Variants in BZW1 observed in about 807,000 individuals in gnomAD.
BZW1 encodes the protein eIF5-mimic protein 2.
Under a neutral mutation model 54.1 loss-of-function variants are expected in BZW1, and 3 were observed. That is an observed-to-expected ratio of 0.06 (90% CI 0.03 to 0.14). The LOEUF (loss-of-function observed/expected upper bound fraction) is 0.14. Ranked by LOEUF, BZW1 falls within the 10% of genes least tolerant of loss-of-function variation. BZW1 has a pLI of 1.00. For missense variants in BZW1, 206 were observed against 491.7 expected, an observed-to-expected ratio of 0.42 and a Z score of 5.50; for synonymous variants, 152 against 162.7, an observed-to-expected ratio of 0.93 and a Z score of 0.50.
At chr2:200,815,203 C>T (rs1032335507) in intron 2 of BZW1, 138 bp from the exon 3 acceptor site, 2 of 912,042 alleles carry the variant, frequency 2.2e-6, no homozygotes, top group Admixed American at 3.1e-5. Flanking sequence ...TCTTGTCTTA[C>T]ACTTGCAGAG....
At position 200,823,599 on chromosome 2, in the gene BZW1, ATT is replaced by A. The variant is rs931791578; in HGVS notation, c.*1424_*1425del. On this transcript the variant is annotated 3_prime_UTR_variant, in exon 12 of 12. Coordinates refer to ENST00000409600, the MANE Select transcript of BZW1 (RefSeq NM_001207067.2). ...CCAAAAGTTTGTCATTTAAAAGTTC[ATT>A]TTGAGGGAATAACATGTAATATAAT... The A allele has an allele frequency of 2.0e-5, 3 of 152,604 alleles. No individual in the cohort carries two copies. The highest frequency in any genetic ancestry group is 2.0e-4 in the Admixed American group (3 of 15,280). The allele number at this position is 152,604 out of a possible 1,614,324, so 9.5% of individuals were successfully genotyped here. A position where few individuals can be genotyped will look rare whatever the true frequency, so the allele number is the denominator to read the frequency against.
chr2:200,824,913 C>T lies in BZW1; in HGVS notation c.*2735C>T. On this transcript the variant is annotated 3_prime_UTR_variant, in exon 12 of 12. Coordinates refer to ENST00000409600, the MANE Select transcript of BZW1 (RefSeq NM_001207067.2). ...GGTCTCAATCTCCTGACCTTGTGAT[C>T]CACCCGCCTCAGCCTCCCAAAGTGC... 6.6e-6 allele frequency: 1 copy of T among 152,116 alleles called. No homozygotes were observed. The highest frequency in any genetic ancestry group is 1.5e-5 in the Non-Finnish European group (1 of 68,046). 9.4% of individuals were successfully genotyped at this position (152,116 alleles called of 1,614,324 possible). A position where few individuals can be genotyped will look rare whatever the true frequency, so the allele number is the denominator to read the frequency against.
chr2:200,812,490 C>T (rs544253385), intron 1 of BZW1: 16,792 of 1,349,334 alleles, frequency 0.012, 128 homozygotes, highest in Non-Finnish European at 0.014. Context: ...CCGCAGGCGA[C>T]AGGGTCAGTG....
At chr2:200,818,473 C>A in intron 8 of BZW1, 80 bp downstream of exon 8, 1 of 1,465,114 alleles carries the variant, frequency 6.8e-7, no homozygotes, top group Non-Finnish European at 9.3e-7. Context: ...ACTTACTTCA[C>A]CAGGATGAGA....
At chr2:200,811,895 C>T (rs541832394), upstream of BZW1, 2 of 209,472 alleles carry the variant, frequency 9.5e-6, no homozygotes, top group South Asian at 1.9e-4. Context: ...GGCACCTCTC[C>T]CTCCTCCTGG....
intron 1 of BZW1, 135 bp downstream of exon 1, chr2:200,812,125 C>T (rs1221552930): frequency 4.5e-6 from 4 of 890,566 alleles, no homozygotes; most frequent in Non-Finnish European, 5.9e-6. Context: ...TGAGGCCGGG[C>T]CGGATCTAGG....
At chr2:200,821,155 C>G (rs1370306159) in intron 10 of BZW1, 28 bp from the exon 11 acceptor site, 1 of 1,610,156 alleles carries the variant, frequency 6.2e-7, no homozygotes, top group African/African-American at 1.3e-5. Context: ...TATTAAAACT[C>G]CCTTAATGCA....
At chr2:200,816,992 T>C in intron 5 of BZW1, 114 bp from the exon 6 acceptor site, 1 of 1,249,454 alleles carries the variant, frequency 8.0e-7, no homozygotes. Context: ...TAAACTTGGA[T>C]GGTTAGATCC....
At chr2:200,820,239 G>A (rs1280060615) in intron 10 of BZW1, 119 bp downstream of exon 10, 6 of 924,948 alleles carry the variant, frequency 6.5e-6, no homozygotes, top group Admixed American at 3.2e-5. Context: ...TTCTAGTTAT[G>A]AGTCACCTCT....
At chr2:200,813,486 T>C (rs73991112) in intron 2 of BZW1, 9,381 of 500,070 alleles carry the variant, frequency 0.019, 723 homozygotes, top group African/African-American at 0.16. Context: ...AGTATCAATA[T>C]ATCTCTAAGC....
intron 6 of BZW1, among the ~76,000 whole-genome samples, chr2:200,817,704 A>G (rs1225342565): frequency 6.6e-6 from 1 of 152,024 alleles, no homozygotes; most frequent in African/African-American, 2.4e-5. Context: ...TGTAATTCTC[A>G]CAACAGTCTT....
At chr2:200,813,484 T>C (rs1280366524) in intron 2 of BZW1, 1 of 503,796 alleles carries the variant, frequency 2.0e-6, no homozygotes, top group East Asian at 3.3e-5. Context: ...TTAGTATCAA[T>C]ATATCTCTAA....
intron 6 of BZW1, among the ~76,000 whole-genome samples, 168 bp downstream of exon 6, chr2:200,817,409 C>T (rs2038334450): frequency 6.6e-6 from 1 of 152,116 alleles, no homozygotes; most frequent in Non-Finnish European, 1.5e-5. Context: ...CCTTTGGCAT[C>T]CAGGTTTAAT....
At chr2:200,818,580 CTG>C (rs1487594121) in intron 8 of BZW1, among the ~76,000 whole-genome samples, 173 bp from the exon 9 acceptor site, 1 of 152,180 alleles carries the variant, frequency 6.6e-6, no homozygotes, top group East Asian at 1.9e-4. Flanking sequence ...ATACAAGAGA[CTG>C]GAGCTCAGGG....
At position 200,823,573 on chromosome 2, in the gene BZW1, G is replaced by T. The variant is rs2038601874; in HGVS notation, c.*1395G>T. The T allele has an allele frequency of 6.6e-6, 1 of 152,388 alleles. No homozygotes were observed. Among genetic ancestry groups the T allele is most frequent in the African/African-American group, 2.4e-5 (1 of 41,330 alleles). 9.4% of individuals were successfully genotyped at this position (152,388 alleles called of 1,614,324 possible). On this transcript the variant is annotated 3_prime_UTR_variant, in exon 12 of 12. Coordinates refer to ENST00000409600, the MANE Select transcript of BZW1 (RefSeq NM_001207067.2). ...CCTTTTGAAGGTGCCATTCTTATGAGCCAAAAGTTTGTCATTTAAAAGTTC... is the reference window on the plus strand; with the variant it reads ...CCTTTTGAAGGTGCCATTCTTATGATCCAAAAGTTTGTCATTTAAAAGTTC...
chr2:200,812,519 C>T, intron 1 of BZW1: 1 of 1,385,584 alleles, frequency 7.2e-7, no homozygotes, highest in East Asian at 2.6e-5. Context: ...GCCGCGGGAC[C>T]CTACGGCGCC....
intron 1 of BZW1, chr2:200,812,688 C>A: frequency 1.0e-6 from 1 of 985,894 alleles, no homozygotes; most frequent in South Asian, 1.5e-5. Flanking sequence ...TTTTGCAGGC[C>A]TGAGTGGTGC....
At position 200,821,910 on chromosome 2, in the gene BZW1, AAAT is replaced by A. The variant is rs1348763715; in HGVS notation, c.1229-234_1229-232del. Among the ~76,000 whole-genome samples the A allele has an allele frequency of 2.6e-5, 4 of 152,162 alleles. 1 individual carries two copies. The highest frequency in any genetic ancestry group is 9.7e-5 in the African/African-American group (4 of 41,442). ...ACATGGGAAACCCAGTCTCTACTAAAAATAAAAAATTAGCCAGTTTTGGTGGTG... is the reference window on the plus strand; with the variant it reads ...ACATGGGAAACCCAGTCTCTACTAAAAAAAAATTAGCCAGTTTTGGTGGTG... On this transcript the variant is annotated intron_variant, in intron 11 of 11. Coordinates refer to ENST00000409600, the MANE Select transcript of BZW1 (RefSeq NM_001207067.2).
rs1021249193 is a variant in BZW1, at chr2:200,825,079, G to GTTTTT, written c.*2905_*2906insTTTTT. 1 of 151,734 alleles carries GTTTTT rather than the reference G, an allele frequency of 6.6e-6. No homozygotes were observed. The highest frequency in any genetic ancestry group is 2.4e-5 in the African/African-American group (1 of 41,218). 9.4% of individuals were successfully genotyped at this position (151,734 alleles called of 1,614,324 possible). ...AAAAGAGTAAAATGTTTTTGTTTTT[G>GTTTTT]TTTTGGAGACAGTCTCACTCTGTTA... is the stretch of plus-strand genomic sequence containing the variant. On this transcript the variant is annotated 3_prime_UTR_variant, in exon 12 of 12. Transcript: ENST00000409600.
Sources: gnomAD v4.1 joint callset for allele counts (sites outside exome capture counted in the v4.1 genomes callset) on GRCh38, gnomAD v4.1.1 for gene constraint, MANE v1.5 for transcripts, NCBI Gene and HGNC (gene_info 2026-07-23, HGNC 2026-07-21) for gene names.